SLC6A17: variants seen among roughly 807,000 people sequenced by gnomAD.
The protein encoded by SLC6A17 is sodium-dependent neutral amino acid transporter SLC6A17.
SLC6A17 carries 21 observed loss-of-function variants against 64.5 expected under a neutral mutation model. The ratio of observed to expected loss-of-function variants is 0.33; its 90% CI spans 0.23 to 0.47. SLC6A17 has a LOEUF of 0.47. Among genes scored for constraint, SLC6A17 ranks in the 20% least tolerant of loss-of-function variants. The pLI is 1.00. For synonymous variants in SLC6A17, 372 were observed against 399.5 expected (o/e 0.93, Z 0.82); for missense variants, 682 against 963.2 (o/e 0.71, Z 3.86).
chr1:110,174,664 G>T, intron 4 of SLC6A17, 115 bp from the exon 5 acceptor site: 1 of 1,328,750 alleles, frequency 7.5e-7, no homozygotes. Flanking sequence ...GCCCCTCCCA[G>T]CTGCCCACCC....
chr1:110,194,846 C>T (rs1557841799), intron 9 of SLC6A17, 75 bp downstream of exon 9: 1 of 1,567,166 alleles, frequency 6.4e-7, no homozygotes, highest in South Asian at 1.1e-5. Flanking sequence ...TGGCTTCTGA[C>T]TGGGTCCTTC....
At chr1:110,186,497 G>A (rs1229961223) in intron 6 of SLC6A17, among the ~76,000 whole-genome samples, 2 of 150,224 alleles carry the variant, frequency 1.3e-5, no homozygotes, top group African/African-American at 4.9e-5. Context: ...AATGAAGCCA[G>A]TATTAAAATA....
chr1:110,175,465 C>G (rs1235843203), intron 5 of SLC6A17, among the ~76,000 whole-genome samples: 1 of 152,068 alleles, frequency 6.6e-6, no homozygotes, highest in Non-Finnish European at 1.5e-5. Context: ...CCAGCCAAGC[C>G]CCACACCTCT....
At chr1:110,151,182 A>C (rs143123297) in intron 1 of SLC6A17, among the ~76,000 whole-genome samples, 446 of 152,306 alleles carry the variant, frequency 2.9e-3, no homozygotes, top group African/African-American at 0.01. Flanking sequence ...CTCCGGAGGA[A>C]ATTGGGCTTA....
chr1:110,195,588 G>A lies in SLC6A17; in HGVS notation c.1495G>A (p.Gly499Ser). 1 of 1,614,112 alleles carries A rather than the reference G, an allele frequency of 6.2e-7. No individual in the cohort carries two copies. Among genetic ancestry groups the A allele is most frequent in the Non-Finnish European group, 8.5e-7 (1 of 1,180,016 alleles). The change falls in exon 10 of 12, where the codon GGC (glycine) becomes AGC (serine). Residue 499 changes from glycine (G) to serine (S), a missense_variant and splice_region_variant. By Grantham distance (56) the Gly-to-Ser change is moderately conservative. This residue lies in a region of SLC6A17 where 264 missense variants were observed against 339.5 expected (regional missense o/e 0.78). Coordinates refer to ENST00000331565, the MANE Select transcript of SLC6A17 (RefSeq NM_001010898.4). ...ACCGGCCTCCCGGCTCTCTGTAGTG[G>A]GCTGCTGTGTCTTTGCATTCCTCGT... Reference protein sequence around the residue: ...FKVPKEMFTVGCCVFAFLVGL... With the variant: ...FKVPKEMFTVSCCVFAFLVGL...
intron 6 of SLC6A17, among the ~76,000 whole-genome samples, chr1:110,189,650 TCTCTC>T (rs1357992921): frequency 1.3e-5 from 2 of 152,004 alleles, no homozygotes; most frequent in Non-Finnish European, 2.9e-5. Flanking sequence ...TGATCTAACT[TCTCTC>T]CTCTCCCAGC....
At chr1:110,197,995 G>T (rs906735220) in intron 11 of SLC6A17, 81 bp from the exon 12 acceptor site, 16 of 1,532,706 alleles carry the variant, frequency 1.0e-5, no homozygotes, top group Non-Finnish European at 1.4e-5. Context: ...ATGGGTGAGG[G>T]CAGGAGAGCA....
Position 110,173,809 on chromosome 1 carries a change from G to T in SLC6A17, c.445-164G>T, listed in dbSNP as rs146032103. ...CAGATGAATGGAGCGTGAATGGAGC[G>T]TGAGGGGAGCTCCTCCACGGCCCGC... On this transcript the variant is annotated intron_variant, in intron 3 of 11. Coordinates refer to ENST00000331565, the MANE Select transcript of SLC6A17 (RefSeq NM_001010898.4). Among the ~76,000 whole-genome samples the T allele has an allele frequency of 3.2e-3, 464 of 146,930 alleles. 6 individuals carry two copies. The highest frequency in any genetic ancestry group is 0.011 in the African/African-American group (446 of 40,348).
In SLC6A17 at chr1:110,150,842, G is replaced by C. The variant is rs375461369; in HGVS notation, c.-129G>C. 1.1e-4 allele frequency: 17 copies of C among 152,178 alleles called. No homozygotes were observed. The East Asian group carries it at 2.0e-3, about 17-fold the overall frequency. 9.4% of individuals were successfully genotyped at this position (152,178 alleles called of 1,614,324 possible). A position where few individuals can be genotyped will look rare whatever the true frequency, so the allele number is the denominator to read the frequency against. On this transcript the variant is annotated 5_prime_UTR_variant, in exon 1 of 12. Coordinates refer to ENST00000331565, the MANE Select transcript of SLC6A17 (RefSeq NM_001010898.4). ...GTCGGGGATCGCAGCTGCTCGGCCG[G>C]AGTGCACGGGCCGAGTCTGCGCGAC...
rs1310782229 is a variant in SLC6A17 at position 110,192,068 on chromosome 1, A to C, written c.961A>C (p.Ser321Arg). Residue 321 changes from serine to arginine, a missense_variant, in exon 7 of 12, where the codon AGC (serine) becomes CGC (arginine). Coordinates refer to ENST00000331565, the MANE Select transcript of SLC6A17 (RefSeq NM_001010898.4). The surrounding 1 kb of genome is among the most constrained non-coding windows in gnomAD (Gnocchi z 4.3). ...LGFGGVIAFSSYNKQDNNCHF... is the reference protein window; with the variant it reads ...LGFGGVIAFSRYNKQDNNCHF... Reference sequence around the variant, plus strand: ...CTTTGGTGGTGTCATTGCCTTCTCCAGCTACAATAAGCAGGACAACAACTG... The same window carrying C: ...CTTTGGTGGTGTCATTGCCTTCTCCCGCTACAATAAGCAGGACAACAACTG... 6.2e-7 allele frequency: 1 copy of C among 1,614,116 alleles called. No individual in the cohort carries two copies. The highest frequency in any genetic ancestry group is 8.5e-7 in the Non-Finnish European group (1 of 1,180,022).
At chr1:110,164,593 G>C (rs569674875) in intron 1 of SLC6A17, among the ~76,000 whole-genome samples, 1 of 152,328 alleles carries the variant, frequency 6.6e-6, no homozygotes, top group East Asian at 1.9e-4. Flanking sequence ...AATGGCACAG[G>C]AGTTCTTGGG....
rs143858898 is a variant in SLC6A17, at chr1:110,159,979, T to C, written c.-87-6864T>C. Among the ~76,000 whole-genome samples, 181 of 152,328 alleles carry C rather than the reference T, an allele frequency of 1.2e-3. 2 individuals carry two copies. The highest frequency in any genetic ancestry group is 4.1e-3 in the African/African-American group (169 of 41,570). On this transcript the variant is annotated intron_variant, in intron 1 of 11. Transcript: ENST00000331565. ...CTTGCAGAAGCAAAGATGGTGTCAA[T>C]TGAGGTATGAAATGGAAGACCAAAA...
chr1:110,157,100 A>G (rs77744222), intron 1 of SLC6A17, among the ~76,000 whole-genome samples: 3,754 of 152,188 alleles, frequency 0.025, 158 homozygotes, highest in African/African-American at 0.085. Context: ...AAATTGGTAT[A>G]CTCTCACAGG....
intron 1 of SLC6A17, among the ~76,000 whole-genome samples, chr1:110,151,436 C>T (rs1655600968): frequency 6.6e-6 from 1 of 152,246 alleles, no homozygotes; most frequent in Admixed American, 6.5e-5. Context: ...GGATTCGGAG[C>T]TAGCAGAGAG....
intron 2 of SLC6A17, among the ~76,000 whole-genome samples, chr1:110,167,756 C>T (rs181677764): frequency 1.3e-5 from 2 of 152,182 alleles, no homozygotes; most frequent in South Asian, 2.1e-4. Context: ...ATTCAACCAT[C>T]GAATCCTCCC....
chr1:110,197,934 T>C, intron 11 of SLC6A17, 142 bp from the exon 12 acceptor site: 1 of 1,404,320 alleles, frequency 7.1e-7, no homozygotes, highest in Non-Finnish European at 9.5e-7. Context: ...TAAACCCCCA[T>C]CCTTGGCTGT....
intron 6 of SLC6A17, among the ~76,000 whole-genome samples, chr1:110,181,515 C>T (rs182631119): frequency 1.3e-5 from 2 of 152,358 alleles, no homozygotes; most frequent in East Asian, 1.9e-4. Context: ...GACAGACTTC[C>T]TGGTCCTCAT....
Position 110,195,840 on chromosome 1 carries a change from C to T in SLC6A17, c.1652+95C>T, listed in dbSNP as rs1656950145. 35 of 1,530,302 alleles carry T rather than the reference C, an allele frequency of 2.3e-5. 1 individual carries two copies. The South Asian group carries it at 3.7e-4, about 16-fold the overall frequency. 94.8% of individuals were successfully genotyped at this position (1,530,302 alleles called of 1,614,324 possible). ...AGATCATAGAGTCACAATGGCAGAG[C>T]TGAAAGTGCCCTTACGGATCATTTA... On this transcript the variant is annotated intron_variant, in intron 10 of 11. Coordinates refer to ENST00000331565, the MANE Select transcript of SLC6A17 (RefSeq NM_001010898.4).
chr1:110,195,525 C>T (rs894631790), intron 9 of SLC6A17, 61 bp from the exon 10 acceptor site: 2 of 1,591,662 alleles, frequency 1.3e-6, no homozygotes, highest in Admixed American at 3.4e-5. Context: ...GCCCCCGAGA[C>T]CCCCAGGGCC....
Sources: gnomAD v4.1 joint callset for allele counts (sites outside exome capture counted in the v4.1 genomes callset) on GRCh38, gnomAD v4.1.1 for gene constraint, gnomAD v4.1.1 regional missense constraint, Gnocchi (gnomAD v3.1) non-coding constraint, MANE v1.5 for transcripts, NCBI Gene and HGNC (gene_info 2026-07-23, HGNC 2026-07-21) for gene names.